The following PPP2R5A variants were observed in gnomAD, a reference collection of about 807,000 sequenced individuals.
The protein encoded by PPP2R5A is protein phosphatase 2 regulatory subunit B'alpha.
A neutral mutation model predicts 64.2 loss-of-function variants in PPP2R5A; 25 were observed. The ratio of observed to expected loss-of-function variants is 0.39; its 90% CI spans 0.28 to 0.54. PPP2R5A has a LOEUF of 0.54. Ranked by LOEUF, PPP2R5A falls within the 20% of genes least tolerant of loss-of-function variation. PPP2R5A has a pLI of 0.67. For synonymous variants in PPP2R5A, 198 were observed against 201.2 expected, an observed-to-expected ratio of 0.98 and a Z score of 0.13; for missense variants, 425 against 576.3, an observed-to-expected ratio of 0.74 and a Z score of 2.69.
chr1:212,346,437 C>T (rs1659779081), intron 5 of PPP2R5A, among the ~76,000 whole-genome samples: 1 of 151,794 alleles, frequency 6.6e-6, no homozygotes, highest in Admixed American at 6.6e-5. Context: ...TCCAAAGTCC[C>T]TTATATAAAA....
intron 1 of PPP2R5A, among the ~76,000 whole-genome samples, chr1:212,328,605 C>G (rs1457663698): frequency 1.3e-5 from 2 of 152,186 alleles, no homozygotes; most frequent in East Asian, 3.9e-4. Flanking sequence ...CTTGAACACA[C>G]CGATTCTCAT....
At chr1:212,287,056 G>T (rs969883245) in intron 1 of PPP2R5A, among the ~76,000 whole-genome samples, 3 of 152,196 alleles carry the variant, frequency 2.0e-5, no homozygotes, top group African/African-American at 7.2e-5. Flanking sequence ...GCCAGGCAGT[G>T]ATTCCAGGGA....
At chr1:212,349,091 CAAAATGAGG>C in intron 7 of PPP2R5A, 89 bp from the exon 8 acceptor site, 1 of 666,958 alleles carries the variant, frequency 1.5e-6, no homozygotes, top group Non-Finnish European at 2.3e-6. Flanking sequence ...AATAATTTAT[CAAAATGAGG>C]TAGTCTAAAA....
At chr1:212,331,435 CTAGGTT>C (rs1181755063) in intron 2 of PPP2R5A, 1 of 151,132 alleles carries the variant, frequency 6.6e-6, no homozygotes, top group African/African-American at 2.4e-5. Context: ...TCCCAAAGTG[CTAGGTT>C]TACATGCATG....
rs747110350 is a variant in PPP2R5A, at chr1:212,357,096, C to A, written c.1098+27C>A. 6 of 1,590,584 alleles carry A rather than the reference C, an allele frequency of 3.8e-6. No individual in the cohort carries two copies. The South Asian group carries it at 6.9e-5, about 18-fold the overall frequency. ...TATGATGTTTTCAGTGAAGCCTTTA[C>A]TTTACACTAGTATTTCTTTCCTATT... On this transcript the variant is annotated intron_variant, in intron 10 of 12. Transcript: ENST00000261461.
chr1:212,338,612 C>A (rs1659629547), intron 3 of PPP2R5A, among the ~76,000 whole-genome samples: 1 of 151,918 alleles, frequency 6.6e-6, no homozygotes, highest in Non-Finnish European at 1.5e-5. Context: ...CATGGTGAAA[C>A]CCCGTCTCTA....
At chr1:212,291,522 G>A (rs1426735155) in intron 1 of PPP2R5A, among the ~76,000 whole-genome samples, 1 of 152,152 alleles carries the variant, frequency 6.6e-6, no homozygotes, top group South Asian at 2.1e-4. Context: ...ATTCTAACGC[G>A]CAGCCAGGAT....
At chr1:212,293,649 G>T (rs551278460) in intron 1 of PPP2R5A, among the ~76,000 whole-genome samples, 1 of 151,450 alleles carries the variant, frequency 6.6e-6, no homozygotes, top group East Asian at 1.9e-4. Context: ...AAGAATTTTA[G>T]AAATCCTGTA....
intron 1 of PPP2R5A, among the ~76,000 whole-genome samples, chr1:212,320,011 G>A (rs1659239997): frequency 6.7e-6 from 1 of 149,570 alleles, no homozygotes; most frequent in South Asian, 2.1e-4. Flanking sequence ...GGATTTGGCA[G>A]GGTCACAGGA....
intron 6 of PPP2R5A, among the ~76,000 whole-genome samples, chr1:212,347,781 G>A (rs1659809421): frequency 6.6e-6 from 1 of 152,034 alleles, no homozygotes. Flanking sequence ...CCTGACCTCA[G>A]GCAATCCACC....
chr1:212,286,783 A>G (rs1451353600), intron 1 of PPP2R5A, among the ~76,000 whole-genome samples: 1 of 152,132 alleles, frequency 6.6e-6, no homozygotes, highest in Non-Finnish European at 1.5e-5. Context: ...CTTCCCATTG[A>G]TTGCCCCTAA....
intron 1 of PPP2R5A, among the ~76,000 whole-genome samples, chr1:212,325,071 C>T: frequency 6.6e-6 from 1 of 152,144 alleles, no homozygotes; most frequent in Non-Finnish European, 1.5e-5. Context: ...TATTTATTAA[C>T]TCCTTATATA....
intron 2 of PPP2R5A, among the ~76,000 whole-genome samples, chr1:212,332,752 A>C (rs1423992684): frequency 1.3e-5 from 2 of 152,192 alleles, no homozygotes; most frequent in Non-Finnish European, 2.9e-5. Context: ...GCAAGTATAG[A>C]ATATGGCCAT....
At chr1:212,297,540 C>CCT (rs1658720837) in intron 1 of PPP2R5A, 1 of 152,124 alleles carries the variant, frequency 6.6e-6, no homozygotes, top group Non-Finnish European at 1.5e-5. Context: ...TAAGACTAAG[C>CCT]CTAGAGCCTG....
chr1:212,306,007 G>A (rs973379486), intron 1 of PPP2R5A, among the ~76,000 whole-genome samples: 1 of 152,172 alleles, frequency 6.6e-6, no homozygotes, highest in Non-Finnish European at 1.5e-5. Context: ...TCTGCACAGA[G>A]GGTGCCTCCC....
intron 1 of PPP2R5A, among the ~76,000 whole-genome samples, chr1:212,300,945 C>T (rs1302595470): frequency 3.3e-5 from 5 of 152,038 alleles, no homozygotes; most frequent in Admixed American, 3.3e-4. Flanking sequence ...TCCCAAAGCC[C>T]GTTTATGCTG....
chr1:212,300,605 G>T (rs1306726344), intron 1 of PPP2R5A, among the ~76,000 whole-genome samples: 1 of 152,030 alleles, frequency 6.6e-6, no homozygotes, highest in Non-Finnish European at 1.5e-5. Flanking sequence ...GGATCATACT[G>T]TGTATGTTGT....
intron 1 of PPP2R5A, among the ~76,000 whole-genome samples, chr1:212,296,099 G>A (rs1658686885): frequency 6.6e-6 from 1 of 152,050 alleles, no homozygotes; most frequent in Non-Finnish European, 1.5e-5. Flanking sequence ...ATAGGACCTT[G>A]TTAATGAATT....
At chr1:212,307,146 C>T in intron 1 of PPP2R5A, among the ~76,000 whole-genome samples, 1 of 151,844 alleles carries the variant, frequency 6.6e-6, no homozygotes, top group East Asian at 1.9e-4. Context: ...TCCCTCATGT[C>T]TTTTTTTGTT....
Sources: allele counts gnomAD v4.1 joint callset (sites outside exome capture counted in the v4.1 genomes callset), GRCh38; gene constraint gnomAD v4.1.1; transcripts MANE v1.5; gene names NCBI Gene and HGNC (gene_info 2026-07-23, HGNC 2026-07-21).